Variants in B3GALT1 observed in about 807,000 individuals in gnomAD.
B3GALT1 encodes UDP-Gal:betaGlcNAc beta 1,3-galactosyltransferase, polypeptide 1.
B3GALT1 carries 10 observed loss-of-function variants against 23.2 expected under a neutral mutation model. The ratio of observed to expected loss-of-function variants is 0.43; its 90% CI spans 0.27 to 0.73. B3GALT1 has a LOEUF of 0.73. Ranked by LOEUF, B3GALT1 falls within the 30% of genes least tolerant of loss-of-function variation. B3GALT1 has a pLI of 0.21. For synonymous variants in B3GALT1, 156 were observed against 141.5 expected, an observed-to-expected ratio of 1.10 and a Z score of -0.73; for missense variants, 299 against 405.4, an observed-to-expected ratio of 0.74 and a Z score of 2.25.
intron 4 of B3GALT1, among the ~76,000 whole-genome samples, chr2:167,835,764 T>A (rs1261015277): frequency 1.3e-5 from 2 of 151,496 alleles, no homozygotes; most frequent in South Asian, 2.1e-4. Flanking sequence ...GCAGCCTAAC[T>A]GGGAGGCACC....
chr2:167,440,230 C>G (rs1376080637), intron 1 of B3GALT1, among the ~76,000 whole-genome samples: 1 of 151,012 alleles, frequency 6.6e-6, no homozygotes. Flanking sequence ...GTAGTCCCAG[C>G]TACTCAGGAG....
intron 2 of B3GALT1, among the ~76,000 whole-genome samples, chr2:167,497,355 A>G (rs1699796183): frequency 6.6e-6 from 1 of 152,196 alleles, no homozygotes; most frequent in African/African-American, 2.4e-5. Flanking sequence ...AAGGGAGAGT[A>G]TTCCAGACAG....
chr2:167,377,762 GT>G (rs932850731), intron 1 of B3GALT1, among the ~76,000 whole-genome samples: 10 of 151,990 alleles, frequency 6.6e-5, no homozygotes, highest in Non-Finnish European at 1.5e-4. Flanking sequence ...GGTAAGTCTT[GT>G]TTTTTAATTC....
At chr2:167,513,531 T>C (rs565798705) in intron 2 of B3GALT1, among the ~76,000 whole-genome samples, 1 of 152,282 alleles carries the variant, frequency 6.6e-6, no homozygotes, top group East Asian at 1.9e-4. Flanking sequence ...GTTAGATATA[T>C]TAAAGATTCT....
chr2:167,790,832 T>A (rs529631922), intron 3 of B3GALT1, among the ~76,000 whole-genome samples: 2 of 152,214 alleles, frequency 1.3e-5, no homozygotes, highest in Non-Finnish European at 2.9e-5. Context: ...ATTTTGCACC[T>A]TTTAATGGCT....
At position 167,871,875 on chromosome 2, in the gene B3GALT1, CT is replaced by C. The variant is rs1690355386; in HGVS notation, c.*1861del. 1 of 127,786 alleles carries C rather than the reference CT, an allele frequency of 7.8e-6. No homozygotes were observed. Among genetic ancestry groups the C allele is most frequent in the African/African-American group, 2.8e-5 (1 of 35,838 alleles). 7.9% of individuals were successfully genotyped at this position (127,786 alleles called of 1,614,324 possible). A position where few individuals can be genotyped will look rare whatever the true frequency, so the allele number is the denominator to read the frequency against. On this transcript the variant is annotated 3_prime_UTR_variant, in exon 5 of 5. Coordinates refer to ENST00000392690, the MANE Select transcript of B3GALT1 (RefSeq NM_020981.4). ...AAGCCCCACAGCTGAAAGAGTGTAC[CT>C]TTTTTATTTATTTACTTTTTTTTTT... is the stretch of plus-strand genomic sequence containing the variant.
At chr2:167,338,932 A>G (rs898061930) in intron 1 of B3GALT1, among the ~76,000 whole-genome samples, 1 of 152,180 alleles carries the variant, frequency 6.6e-6, no homozygotes, top group Non-Finnish European at 1.5e-5. Flanking sequence ...AGATGTCAGT[A>G]TAATTAGATT....
intron 2 of B3GALT1, among the ~76,000 whole-genome samples, chr2:167,623,542 A>C (rs2105441319): frequency 6.6e-6 from 1 of 152,164 alleles, no homozygotes; most frequent in African/African-American, 2.4e-5. Context: ...CATAAGTGGG[A>C]GTTGAACAAT....
At chr2:167,409,113 G>A (rs773860735) in intron 1 of B3GALT1, among the ~76,000 whole-genome samples, 7 of 152,254 alleles carry the variant, frequency 4.6e-5, no homozygotes, top group Admixed American at 6.5e-5. Context: ...CCATACTTCA[G>A]TTTGTTTTAG....
intron 1 of B3GALT1, among the ~76,000 whole-genome samples, chr2:167,444,948 T>G (rs563288237): frequency 6.6e-6 from 1 of 152,368 alleles, no homozygotes; most frequent in East Asian, 1.9e-4. Context: ...TTCTATTAAT[T>G]GTGTTGTTAG....
intron 1 of B3GALT1, among the ~76,000 whole-genome samples, chr2:167,463,148 T>C (rs1037984717): frequency 6.6e-6 from 1 of 152,146 alleles, no homozygotes; most frequent in Admixed American, 6.6e-5. Context: ...TTCTGATAAC[T>C]ATTATAGTTA....
At chr2:167,550,997 G>A (rs770090098) in intron 2 of B3GALT1, among the ~76,000 whole-genome samples, 2 of 152,072 alleles carry the variant, frequency 1.3e-5, no homozygotes, top group Admixed American at 6.6e-5. Flanking sequence ...CATCCCCCAC[G>A]GCCCACAGAC....
At chr2:167,646,799 T>A (rs182792499) in intron 2 of B3GALT1, among the ~76,000 whole-genome samples, 110 bp from the exon 3 acceptor site, 27 of 152,290 alleles carry the variant, frequency 1.8e-4, no homozygotes, top group African/African-American at 6.3e-4. Flanking sequence ...TTTGTGACAA[T>A]AAATTTTGAA....
intron 1 of B3GALT1, among the ~76,000 whole-genome samples, chr2:167,472,361 G>C (rs1574093725): frequency 1.3e-5 from 2 of 152,226 alleles, no homozygotes; most frequent in African/African-American, 4.8e-5. Flanking sequence ...CTGTGCCAAA[G>C]ATTGTGGCCC....
intron 2 of B3GALT1, among the ~76,000 whole-genome samples, chr2:167,564,062 C>T (rs1684093797): frequency 2.6e-5 from 4 of 151,030 alleles, no homozygotes. Flanking sequence ...CCTCACTTCC[C>T]AGACGGGGCG....
intron 3 of B3GALT1, among the ~76,000 whole-genome samples, chr2:167,787,577 G>A (rs1688362390): frequency 6.6e-6 from 1 of 152,194 alleles, no homozygotes; most frequent in South Asian, 2.1e-4. Flanking sequence ...CCTCAAAGCT[G>A]ACATATTAAG....
chr2:167,814,230 T>C (rs917718655), intron 3 of B3GALT1, among the ~76,000 whole-genome samples: 3 of 152,224 alleles, frequency 2.0e-5, no homozygotes, highest in Non-Finnish European at 4.4e-5. Flanking sequence ...TCACTTGGGC[T>C]TTGGAGGTCA....
chr2:167,621,571 A>G (rs1219938612), intron 2 of B3GALT1, among the ~76,000 whole-genome samples: 1 of 152,024 alleles, frequency 6.6e-6, no homozygotes, highest in Non-Finnish European at 1.5e-5. Context: ...TACTTTAGCA[A>G]AGAAATTTCT....
chr2:167,569,471 T>G (rs1684248690), intron 2 of B3GALT1, among the ~76,000 whole-genome samples: 1 of 151,952 alleles, frequency 6.6e-6, no homozygotes, highest in Non-Finnish European at 1.5e-5. Context: ...TAACTGGTAT[T>G]GTGTTTTAAT....
Sources: allele counts gnomAD v4.1 joint callset (sites outside exome capture counted in the v4.1 genomes callset), GRCh38; gene constraint gnomAD v4.1.1; transcripts MANE v1.5; gene names NCBI Gene and HGNC (gene_info 2026-07-23, HGNC 2026-07-21).